The following L3MBTL4 variants were observed in gnomAD, a reference collection of about 807,000 sequenced individuals.
L3MBTL4 encodes lethal(3)malignant brain tumor-like protein 4.
Under a neutral mutation model 84.5 loss-of-function variants are expected in L3MBTL4, and 70 were observed. The ratio of observed to expected loss-of-function variants is 0.83; its 90% CI spans 0.68 to 1.01. The LOEUF is 1.01. L3MBTL4 is among the 50% of genes least tolerant of loss of function. L3MBTL4 has a pLI of 0.00. For missense variants in L3MBTL4, 715 were observed against 754.8 expected (o/e 0.95, Z 0.62); for synonymous variants, 274 against 259.8 (o/e 1.05, Z -0.52).
At chr18:5,971,857 G>C (rs948302176) in intron 16 of L3MBTL4, among the ~76,000 whole-genome samples, 1 of 152,214 alleles carries the variant, frequency 6.6e-6, no homozygotes, top group East Asian at 1.9e-4. Flanking sequence ...GTTAGTCCAA[G>C]TAGCAAGATG....
intron 14 of L3MBTL4, among the ~76,000 whole-genome samples, chr18:6,126,823 G>T (rs568975540): frequency 6.6e-6 from 1 of 152,092 alleles, no homozygotes; most frequent in Non-Finnish European, 1.5e-5. Flanking sequence ...AGAATTAAAA[G>T]GTTCTTTAAA....
chr18:6,104,058 C>T (rs2058920225), intron 14 of L3MBTL4, among the ~76,000 whole-genome samples: 1 of 152,186 alleles, frequency 6.6e-6, no homozygotes, highest in South Asian at 2.1e-4. Flanking sequence ...GGCCCAGCTC[C>T]TCCTTGGGTC....
intron 1 of L3MBTL4, among the ~76,000 whole-genome samples, chr18:6,346,128 A>ATATG (rs1335987582): frequency 2.0e-5 from 3 of 146,788 alleles, no homozygotes; most frequent in African/African-American, 7.5e-5. Context: ...ATATATATAT[A>ATATG]TATATGGATG....
intron 16 of L3MBTL4, among the ~76,000 whole-genome samples, chr18:5,990,203 G>T (rs1803751317): frequency 6.6e-6 from 1 of 152,156 alleles, no homozygotes; most frequent in Admixed American, 6.5e-5. Flanking sequence ...CTACAGGAAG[G>T]TTACGTGTAT....
At chr18:6,152,465 T>G (rs567571349) in intron 13 of L3MBTL4, among the ~76,000 whole-genome samples, 5 of 152,348 alleles carry the variant, frequency 3.3e-5, no homozygotes, top group Admixed American at 1.3e-4. Context: ...TAGTTTTGAT[T>G]TGCATTTCTC....
intron 10 of L3MBTL4, among the ~76,000 whole-genome samples, chr18:6,217,832 T>C (rs191319952): frequency 9.2e-4 from 140 of 152,338 alleles, no homozygotes; most frequent in African/African-American, 3.2e-3. Context: ...ATTGCCACCC[T>C]ATTATTTTCT....
At chr18:6,264,316 T>A (rs531355147) in intron 4 of L3MBTL4, among the ~76,000 whole-genome samples, 64 of 152,322 alleles carry the variant, frequency 4.2e-4, no homozygotes, top group African/African-American at 1.3e-3. Context: ...ACCATCTTGC[T>A]CCTCTCTAAG....
chr18:6,066,883 G>A (rs1048517744), intron 16 of L3MBTL4, among the ~76,000 whole-genome samples: 2 of 147,192 alleles, frequency 1.4e-5, no homozygotes, highest in African/African-American at 5.0e-5. Context: ...GTGAGGTACT[G>A]TTCTAGTGAT....
At chr18:6,155,579 T>C (rs1225849302) in intron 13 of L3MBTL4, among the ~76,000 whole-genome samples, 2 of 152,206 alleles carry the variant, frequency 1.3e-5, no homozygotes, top group African/African-American at 4.8e-5. Flanking sequence ...GGTAAACTTA[T>C]GTGCTGAAGT....
At chr18:6,018,824 G>C (rs1235215507) in intron 16 of L3MBTL4, among the ~76,000 whole-genome samples, 1 of 152,210 alleles carries the variant, frequency 6.6e-6, no homozygotes, top group Non-Finnish European at 1.5e-5. Context: ...GATTAGCACA[G>C]GAAGAGACAG....
chr18:6,236,808 T>A (rs1052657679), intron 10 of L3MBTL4, among the ~76,000 whole-genome samples: 2 of 152,226 alleles, frequency 1.3e-5, no homozygotes, highest in Non-Finnish European at 1.5e-5. Context: ...TCTTTATTGT[T>A]TTTAATTCTT....
rs1448763695 is a variant in L3MBTL4 at position 6,028,088 on chromosome 18, G to A, written c.1444+52793C>T. Among the ~76,000 whole-genome samples, 9 of 152,288 alleles carry A rather than the reference G, an allele frequency of 5.9e-5. No homozygotes were observed. The East Asian group carries it at 1.5e-3, about 26-fold the overall frequency. On this transcript the variant is annotated intron_variant, in intron 16 of 18. Transcript: ENST00000317931. ...GGCTTTTGTTGCAATTGCTGTTGAT[G>A]TTTTAGTCATGAAGTCTTTGCCCAT... is the stretch of plus-strand genomic sequence containing the variant.
intron 14 of L3MBTL4, among the ~76,000 whole-genome samples, chr18:6,106,802 C>T (rs187385074): frequency 5.1e-4 from 78 of 152,206 alleles, no homozygotes; most frequent in Admixed American, 2.1e-3. Flanking sequence ...TGGTTAAAGT[C>T]AGGATTAGGA....
intron 16 of L3MBTL4, among the ~76,000 whole-genome samples, chr18:5,980,722 G>C: frequency 6.6e-6 from 1 of 152,190 alleles, no homozygotes; most frequent in Non-Finnish European, 1.5e-5. Context: ...ATGAGCCACA[G>C]TGCCCGGCCT....
At chr18:6,067,524 G>T (rs1246202857) in intron 16 of L3MBTL4, among the ~76,000 whole-genome samples, 1 of 151,750 alleles carries the variant, frequency 6.6e-6, no homozygotes, top group Non-Finnish European at 1.5e-5. Context: ...TCTTTGACTG[G>T]GTTAATTCTA....
chr18:6,108,639 C>T (rs2059090323), intron 14 of L3MBTL4, among the ~76,000 whole-genome samples: 1 of 152,108 alleles, frequency 6.6e-6, no homozygotes, highest in Non-Finnish European at 1.5e-5. Context: ...AATCTCAGGG[C>T]ATTTCTAGAG....
chr18:6,118,075 C>T (rs1429066502), intron 14 of L3MBTL4, among the ~76,000 whole-genome samples: 1 of 152,230 alleles, frequency 6.6e-6, no homozygotes, highest in East Asian at 1.9e-4. Flanking sequence ...GTAGAGGCTC[C>T]TGTCACCTCC....
chr18:6,130,520 G>A (rs1038656354), intron 14 of L3MBTL4, among the ~76,000 whole-genome samples: 1 of 152,066 alleles, frequency 6.6e-6, no homozygotes, highest in Non-Finnish European at 1.5e-5. Flanking sequence ...CATGTATGCT[G>A]TGCCCTGTGT....
At chr18:6,404,441 T>G (rs946781829) in intron 1 of L3MBTL4, among the ~76,000 whole-genome samples, 12 of 152,216 alleles carry the variant, frequency 7.9e-5, no homozygotes, top group Admixed American at 1.3e-4. Flanking sequence ...ATTCAGGCTC[T>G]GGGAACAAAG....
Sources: gnomAD v4.1 joint callset for allele counts (sites outside exome capture counted in the v4.1 genomes callset) on GRCh38, gnomAD v4.1.1 for gene constraint, MANE v1.5 for transcripts, NCBI Gene and HGNC (gene_info 2026-07-23, HGNC 2026-07-21) for gene names.